The following ZMYND8 variants were observed in gnomAD, a reference collection of about 807,000 sequenced individuals.
ZMYND8 encodes zinc finger MYND-type containing 8.
A neutral mutation model predicts 140.8 loss-of-function variants in ZMYND8; 37 were observed. That is an observed-to-expected ratio of 0.26 (90% confidence interval 0.20 to 0.35). The LOEUF (loss-of-function observed/expected upper bound fraction) is 0.35. ZMYND8 is among the 10% of genes least tolerant of loss of function. ZMYND8 has a pLI of 1.00. For missense variants in ZMYND8, 1,068 were observed against 1,570.0 expected, an observed-to-expected ratio of 0.68 and a Z score of 5.40; for synonymous variants, 592 against 597.1, an observed-to-expected ratio of 0.99 and a Z score of 0.12.
At chr20:47,227,384 G>GATTCCCATA in intron 17 of ZMYND8, 103 bp from the exon 18 acceptor site, 1 of 1,074,296 alleles carries the variant, frequency 9.3e-7, no homozygotes, top group Non-Finnish European at 1.4e-6. Context: ...TGGGAATCAT[G>GATTCCCATA]CTAACCTTCC....
intron 2 of ZMYND8, among the ~76,000 whole-genome samples, chr20:47,323,730 A>G (rs913452872): frequency 2.0e-5 from 3 of 151,572 alleles, no homozygotes; most frequent in African/African-American, 4.9e-5. Context: ...TCCCAGCCCC[A>G]CCCCACCTCC....
chr20:47,355,590 A>C (rs1006297300), intron 1 of ZMYND8: 3 of 695,570 alleles, frequency 4.3e-6, no homozygotes, highest in Middle Eastern at 7.2e-4. Flanking sequence ...CAACAACAAC[A>C]CAACCCAACA....
intron 2 of ZMYND8, among the ~76,000 whole-genome samples, chr20:47,327,131 G>A (rs1252832004): frequency 6.6e-6 from 1 of 151,930 alleles, no homozygotes; most frequent in African/African-American, 2.4e-5. Context: ...CAGGAAACCA[G>A]TCAGCCTCCC....
intron 14 of ZMYND8, among the ~76,000 whole-genome samples, chr20:47,245,780 G>A (rs185288645): frequency 5.5e-3 from 837 of 152,248 alleles, no homozygotes; most frequent in Admixed American, 0.012. Flanking sequence ...ACTGGATACC[G>A]AGCAGGTTAA....
chr20:47,276,782 T>C lies in ZMYND8; in HGVS notation c.1012A>G (p.Ile338Val), dbSNP rs780085551. 23 of 1,610,048 alleles carry C rather than the reference T, an allele frequency of 1.4e-5. No individual in the cohort carries two copies. The highest frequency in any genetic ancestry group is 4.5e-5 in the East Asian group (2 of 44,858). Residue 338 changes from isoleucine (I) to valine (V), a missense_variant, in exon 11 of 23, where the codon ATA becomes GTA. Coordinates refer to ENST00000471951, the MANE Select transcript of ZMYND8 (RefSeq NM_001281775.3). ...FGQHDRAWVP[I>V]NNCYLMSKEI... The stretch of plus-strand genomic sequence containing the variant: ...TTAGACATGAGGTAGCAATTATTTA[T>C]TGGAACCCAGGCCCTAGAAGGGCAA...
intron 11 of ZMYND8, among the ~76,000 whole-genome samples, chr20:47,272,641 C>A (rs2076028251): frequency 6.6e-6 from 1 of 152,234 alleles, no homozygotes. Context: ...GAGTTAAAGA[C>A]TTCTGGCTGA....
chr20:47,323,109 G>A (rs2080109878), intron 2 of ZMYND8, among the ~76,000 whole-genome samples: 1 of 152,136 alleles, frequency 6.6e-6, no homozygotes, highest in Admixed American at 6.5e-5. Context: ...ATAAGATAAT[G>A]CATACAAAGT....
At chr20:47,317,640 C>T (rs539094189) in intron 2 of ZMYND8, among the ~76,000 whole-genome samples, 78 of 152,342 alleles carry the variant, frequency 5.1e-4, no homozygotes, top group Non-Finnish European at 9.1e-4. Context: ...ACAGGCATGA[C>T]AGGCCACAGG....
rs775581849 is a variant in ZMYND8 at position 47,246,291 on chromosome 20, C to G, written c.2001G>C (p.Glu667Asp). 2.6e-4 allele frequency: 419 copies of G among 1,614,168 alleles called. 5 individuals are homozygous for G. The East Asian group carries it at 9.3e-3, about 36-fold the overall frequency. Residue 667 changes from glutamate to aspartate, a missense_variant, in exon 14 of 23, where the codon GAG (glutamate) becomes GAC (aspartate). Physicochemically the swap from Glu to Asp is conservative, Grantham distance 45. Transcript: ENST00000471951. ...CGCTGGCTGGTGACGTGCTTTTCAG[C>G]TCCTCTTTAATCTCCACTGGGTTTG... is the stretch of plus-strand genomic sequence containing the variant. ...KPTNPVEIKE[E>D]LKSTSPASEK...
At chr20:47,333,429 C>A (rs1225041405) in intron 2 of ZMYND8, among the ~76,000 whole-genome samples, 1 of 151,752 alleles carries the variant, frequency 6.6e-6, no homozygotes, top group Non-Finnish European at 1.5e-5. Context: ...GGTGAAACCC[C>A]GTCTCTACTA....
At chr20:47,339,370 A>T (rs560915050) in intron 2 of ZMYND8, among the ~76,000 whole-genome samples, 1 of 152,274 alleles carries the variant, frequency 6.6e-6, no homozygotes, top group South Asian at 2.1e-4. Context: ...AAGTGGGGGA[A>T]ATGGCAGAAC....
chr20:47,298,577 G>A lies in ZMYND8; in HGVS notation c.453+152C>T. ...AGTACTGCAGCCACTGCCGGTGTTG[G>A]TCAAGAAGGGGGTGACCAGGATAGA... On this transcript the variant is annotated intron_variant, in intron 4 of 22. Coordinates refer to ENST00000471951, the MANE Select transcript of ZMYND8 (RefSeq NM_001281775.3). This position sits in a 1 kb window ranked among gnomAD's most constrained non-coding sequence, Gnocchi z 5.0. 6.9e-7 allele frequency: 1 copy of A among 1,457,500 alleles called. No individual in the cohort carries two copies. The highest frequency in any genetic ancestry group is 9.0e-7 in the Non-Finnish European group (1 of 1,106,692). The allele number at this position is 1,457,500 out of a possible 1,614,324, so 90.3% of individuals were successfully genotyped here.
chr20:47,217,548 C>T (rs746205362), intron 21 of ZMYND8, among the ~76,000 whole-genome samples: 4 of 152,096 alleles, frequency 2.6e-5, no homozygotes, highest in African/African-American at 7.2e-5. Flanking sequence ...AGTGAGCTCA[C>T]GTTACTCCCT....
intron 11 of ZMYND8, among the ~76,000 whole-genome samples, chr20:47,269,130 C>T (rs1428130687): frequency 6.6e-6 from 1 of 152,054 alleles, no homozygotes; most frequent in South Asian, 2.1e-4. Context: ...ACCTGGGAGG[C>T]GGAGGTTGCA....
chr20:47,326,548 G>C (rs145530318), intron 2 of ZMYND8, among the ~76,000 whole-genome samples: 1 of 152,174 alleles, frequency 6.6e-6, no homozygotes, highest in Non-Finnish European at 1.5e-5. Flanking sequence ...CAAATCTTCA[G>C]TCTTGGTTCT....
intron 12 of ZMYND8, among the ~76,000 whole-genome samples, chr20:47,249,766 A>G (rs1387156244): frequency 6.6e-6 from 1 of 152,214 alleles, no homozygotes; most frequent in South Asian, 2.1e-4. Context: ...GACAAAGGTT[A>G]TGGGCAGATA....
chr20:47,331,345 G>C (rs1004393622), intron 2 of ZMYND8, among the ~76,000 whole-genome samples: 6 of 152,082 alleles, frequency 3.9e-5, no homozygotes, highest in African/African-American at 1.2e-4. Context: ...TTTAGGATAC[G>C]ATATTGTAAG....
At chr20:47,252,323 T>C (rs1259802152) in intron 12 of ZMYND8, among the ~76,000 whole-genome samples, 1 of 138,694 alleles carries the variant, frequency 7.2e-6, no homozygotes, top group Admixed American at 7.2e-5. Flanking sequence ...AAGCCCAGAT[T>C]AAAGAGTTCC....
chr20:47,329,937 A>G (rs2080791362), intron 2 of ZMYND8, among the ~76,000 whole-genome samples: 1 of 152,154 alleles, frequency 6.6e-6, no homozygotes, highest in Non-Finnish European at 1.5e-5. Flanking sequence ...TAGCCTGGCA[A>G]TTGTTAACTC....
Sources: allele counts gnomAD v4.1 joint callset (sites outside exome capture counted in the v4.1 genomes callset), GRCh38; gene constraint gnomAD v4.1.1; non-coding constraint Gnocchi (gnomAD v3.1); transcripts MANE v1.5; gene names NCBI Gene and HGNC (gene_info 2026-07-23, HGNC 2026-07-21).